Variants in PLEKHG1 observed in about 807,000 individuals in gnomAD.
PLEKHG1 encodes pleckstrin homology domain-containing family G member 1.
PLEKHG1 carries 44 observed loss-of-function variants against 100.8 expected under a neutral mutation model. That is an observed-to-expected ratio of 0.44 (90% CI 0.34 to 0.56). The LOEUF is 0.56. Ranked by LOEUF, PLEKHG1 falls within the 20% of genes least tolerant of loss-of-function variation. The pLI, the probability that PLEKHG1 is intolerant of heterozygous loss-of-function variation, is 0.01. For synonymous variants in PLEKHG1, 640 were observed against 662.5 expected, an observed-to-expected ratio of 0.97 and a Z score of 0.52; for missense variants, 1,545 against 1,720.9, an observed-to-expected ratio of 0.90 and a Z score of 1.81.
rs148698356 is a variant in PLEKHG1, at chr6:150,773,284, C to T, written c.512+4546C>T. On this transcript the variant is annotated intron_variant, in intron 3 of 15. Transcript: ENST00000358517. Reference sequence around the variant, plus strand: ...TGCAGTGGCTCACGTCTGTAATCCCCGCACATTGGGAGGCCAAGGCAGGTG... The same window carrying T: ...TGCAGTGGCTCACGTCTGTAATCCCTGCACATTGGGAGGCCAAGGCAGGTG... Among the ~76,000 whole-genome samples, 701 of 152,144 alleles carry T rather than the reference C, an allele frequency of 4.6e-3. 12 individuals carry two copies. The highest frequency in any genetic ancestry group is 0.016 in the African/African-American group (678 of 41,530).
At chr6:150,641,100 T>C (rs1778238731) in intron 2 of PLEKHG1, among the ~76,000 whole-genome samples, 1 of 152,144 alleles carries the variant, frequency 6.6e-6, no homozygotes, top group South Asian at 2.1e-4. Context: ...GCCCCCACTA[T>C]TAGAGGCTCT....
At chr6:150,819,737 A>G in exon 12 of PLEKHG1, 17 of 1,611,746 alleles carry the variant, frequency 1.1e-5, no homozygotes, top group Non-Finnish European at 1.4e-5. Context: ...TCGGCTCTAA[A>G]GAAGGTTCTG....
chr6:150,794,047 A>G (rs1024362816), intron 4 of PLEKHG1, among the ~76,000 whole-genome samples: 3 of 152,156 alleles, frequency 2.0e-5, no homozygotes, highest in Non-Finnish European at 4.4e-5. Flanking sequence ...GTGCCACTGC[A>G]CTCCAGCCTG....
At chr6:150,761,079 A>G (rs1272300343) in intron 2 of PLEKHG1, among the ~76,000 whole-genome samples, 1 of 149,328 alleles carries the variant, frequency 6.7e-6, no homozygotes, top group African/African-American at 2.5e-5. Context: ...AATGAAAACA[A>G]TTGATTTCTT....
At position 150,669,933 on chromosome 6, in the gene PLEKHG1, C is replaced by T. The variant is rs1779528589; in HGVS notation, c.-99+19147C>T. On this transcript the variant is annotated intron_variant, in intron 3 of 3. Transcript: ENST00000367326. The stretch of plus-strand genomic sequence containing the variant: ...TCTTAAACTTCAATCAGGTCCTTAC[C>T]AAAAATGCTCTTCATGTGGACATTG... Among the ~76,000 whole-genome samples the T allele has an allele frequency of 2.6e-5, 4 of 152,092 alleles. No individual in the cohort carries two copies. The South Asian group carries it at 8.3e-4, about 32-fold the overall frequency.
At chr6:150,613,011 C>G (rs922319476) in intron 1 of PLEKHG1, among the ~76,000 whole-genome samples, 10 of 152,154 alleles carry the variant, frequency 6.6e-5, no homozygotes, top group Non-Finnish European at 1.3e-4. Context: ...ATGGGGTAGC[C>G]TGTGAGACCC....
At chr6:150,654,999 A>G (rs1401742389) in intron 3 of PLEKHG1, among the ~76,000 whole-genome samples, 1 of 152,274 alleles carries the variant, frequency 6.6e-6, no homozygotes, top group Non-Finnish European at 1.5e-5. Flanking sequence ...TGGTGTTATG[A>G]AAATGATTTT....
At chr6:150,670,409 G>T (rs1036369544) in intron 3 of PLEKHG1, among the ~76,000 whole-genome samples, 1 of 152,124 alleles carries the variant, frequency 6.6e-6, no homozygotes, top group Non-Finnish European at 1.5e-5. Flanking sequence ...TAAGAACAAG[G>T]CACAGAGATG....
intron 3 of PLEKHG1, among the ~76,000 whole-genome samples, chr6:150,707,412 C>G (rs1048563727): frequency 5.3e-5 from 8 of 152,052 alleles, no homozygotes; most frequent in Non-Finnish European, 1.2e-4. Flanking sequence ...GTACAGTGTC[C>G]GGATGTGCCC....
intron 2 of PLEKHG1, among the ~76,000 whole-genome samples, chr6:150,753,305 G>C (rs943957274): frequency 6.6e-6 from 1 of 152,118 alleles, no homozygotes; most frequent in Non-Finnish European, 1.5e-5. Flanking sequence ...GTGGGTGTGT[G>C]TGTGTTGGGA....
At chr6:150,761,460 A>G (rs910372579) in intron 2 of PLEKHG1, among the ~76,000 whole-genome samples, 5 of 152,024 alleles carry the variant, frequency 3.3e-5, no homozygotes, top group Admixed American at 3.3e-4. Context: ...GGCCTGTGCC[A>G]CCACACCCAG....
chr6:150,827,652 C>T, intron 14 of PLEKHG1: 1 of 847,976 alleles, frequency 1.2e-6, no homozygotes, highest in Admixed American at 1.7e-5. Context: ...AGCAACTGAA[C>T]TGGAAACAAG....
chr6:150,704,622 G>A (rs1780932058), intron 3 of PLEKHG1, among the ~76,000 whole-genome samples: 1 of 152,230 alleles, frequency 6.6e-6, no homozygotes, highest in Non-Finnish European at 1.5e-5. Context: ...GCCCATTCCT[G>A]GGCCCTGTCC....
At chr6:150,774,029 T>C (rs1784830585) in intron 3 of PLEKHG1, among the ~76,000 whole-genome samples, 1 of 152,242 alleles carries the variant, frequency 6.6e-6, no homozygotes, top group African/African-American at 2.4e-5. Context: ...CTAGCAATGC[T>C]TTTGATTTTT....
rs766821551 is a variant in PLEKHG1, at chr6:150,731,439, A to G, written c.-98-2145A>G. Among the ~76,000 whole-genome samples, 209 of 152,300 alleles carry G rather than the reference A, an allele frequency of 1.4e-3. 1 individual carries two copies. Among genetic ancestry groups the G allele is most frequent in the Non-Finnish European group, 2.4e-3 (165 of 68,022 alleles). ...TTATTTTCATAACTTTAATATTTGCATCATTTGTTTGTACTAATACTTGTC... is the reference window on the plus strand; with the variant it reads ...TTATTTTCATAACTTTAATATTTGCGTCATTTGTTTGTACTAATACTTGTC... On this transcript the variant is annotated intron_variant, in intron 1 of 15. Coordinates refer to ENST00000358517, the Ensembl canonical transcript of PLEKHG1.
intron 10 of PLEKHG1, among the ~76,000 whole-genome samples, chr6:150,810,298 C>T (rs1401908669): frequency 1.3e-5 from 2 of 148,196 alleles, no homozygotes; most frequent in African/African-American, 4.9e-5. Context: ...CAGACAGGGT[C>T]TCACTCTGTC....
At chr6:150,714,706 ATTG>A in intron 3 of PLEKHG1, among the ~76,000 whole-genome samples, 1 of 152,252 alleles carries the variant, frequency 6.6e-6, no homozygotes, top group Admixed American at 6.5e-5. Context: ...TTTGGTTTCT[ATTG>A]TTAGATTCAG....
chr6:150,616,022 A>G lies in PLEKHG1; in HGVS notation c.-204+16005A>G, dbSNP rs143698607. Among the ~76,000 whole-genome samples, 32 of 152,292 alleles carry G rather than the reference A, an allele frequency of 2.1e-4. No individual in the cohort carries two copies. In the East Asian group the frequency reaches 5.6e-3, roughly 27 times the overall value. ...AGGAAACTGAGGCAAGCAAAAGATG[A>G]GGTAACTTGTCCAAAGACACCCAGC... On this transcript the variant is annotated intron_variant, in intron 1 of 3. Transcript: ENST00000367326.
At chr6:150,773,338 C>T (rs759775396) in intron 3 of PLEKHG1, among the ~76,000 whole-genome samples, 3 of 151,966 alleles carry the variant, frequency 2.0e-5, no homozygotes, top group Admixed American at 1.3e-4. Context: ...GCTTGAGACC[C>T]GCCTGGCTAA....
Sources: gnomAD v4.1 joint callset for allele counts (sites outside exome capture counted in the v4.1 genomes callset) on GRCh38, gnomAD v4.1.1 for gene constraint, MANE v1.5 for transcripts, NCBI Gene and HGNC (gene_info 2026-07-23, HGNC 2026-07-21) for gene names.